The following CATSPERE variants were observed in gnomAD, a reference collection of about 807,000 sequenced individuals.
The protein encoded by CATSPERE is cation channel sperm-associated auxiliary subunit epsilon.
CATSPERE carries 93 observed loss-of-function variants against 114.1 expected under a neutral mutation model. The observed-to-expected ratio is 0.81, with a 90% CI of 0.69 to 0.97. CATSPERE has a LOEUF of 0.97. CATSPERE is among the 50% of genes least tolerant of loss of function. The probability of loss-of-function intolerance (pLI) is 0.00; values close to 1 mark genes in which losing one functional copy is unlikely to be tolerated. For missense variants in CATSPERE, 1,058 were observed against 1,131.6 expected, an observed-to-expected ratio of 0.93 and a Z score of 0.93; for synonymous variants, 341 against 384.1, an observed-to-expected ratio of 0.89 and a Z score of 1.31.
intron 11 of CATSPERE, among the ~76,000 whole-genome samples, chr1:244,578,666 GCTCTCTCTCTCTGTCT>G (rs973563271): frequency 6.8e-6 from 1 of 148,078 alleles, no homozygotes; most frequent in African/African-American, 2.5e-5. Context: ...TATATATATA[GCTCTCTCTCTCTGTCT>G]CTCTCTCTCT....
chr1:244,603,546 T>C (rs1383250642), intron 17 of CATSPERE, among the ~76,000 whole-genome samples: 16 of 152,184 alleles, frequency 1.1e-4, no homozygotes, highest in Admixed American at 9.8e-4. Flanking sequence ...TTAAACATCA[T>C]TGTAAAAGAT....
rs570668644 is a variant in CATSPERE at position 244,573,718 on chromosome 1, G to C, written c.1950+946G>C. Among the ~76,000 whole-genome samples, 63 of 152,210 alleles carry C rather than the reference G, an allele frequency of 4.1e-4. No homozygotes were observed. In the South Asian group the frequency reaches 0.013, roughly 31 times the overall value. On this transcript the variant is annotated intron_variant, in intron 11 of 21. Transcript: ENST00000366534. This position sits in a 1 kb window ranked among gnomAD's most constrained non-coding sequence, Gnocchi z 4.0. The stretch of plus-strand genomic sequence containing the variant: ...CGGTGAGAGCAGAAGCCTAGGTTTG[G>C]CCACATATCCCTAACTCATAGGATG...
chr1:244,581,230 G>A (rs1168615376), intron 11 of CATSPERE, among the ~76,000 whole-genome samples: 1 of 152,000 alleles, frequency 6.6e-6, no homozygotes, highest in Admixed American at 6.6e-5. Flanking sequence ...AGTCCATGTT[G>A]TTTTCTGTAG....
At chr1:244,479,238 C>T (rs1402517507) in intron 4 of CATSPERE, among the ~76,000 whole-genome samples, 1 of 151,912 alleles carries the variant, frequency 6.6e-6, no homozygotes, top group African/African-American at 2.4e-5. Flanking sequence ...GGATTACAGG[C>T]ATGTGCCACC....
At chr1:244,538,305 A>G (rs1680678966) in intron 8 of CATSPERE, among the ~76,000 whole-genome samples, 1 of 152,240 alleles carries the variant, frequency 6.6e-6, no homozygotes, top group South Asian at 2.1e-4. Context: ...CAGGGAGAAA[A>G]AAAATTTTTT....
At chr1:244,610,362 G>A in intron 19 of CATSPERE, 36 bp downstream of exon 19, 2 of 1,457,024 alleles carry the variant, frequency 1.4e-6, no homozygotes, top group Non-Finnish European at 9.6e-7. Flanking sequence ...TGTTTATTTG[G>A]AATAACTAAT....
chr1:244,451,614 TGA>T (rs759571476), upstream of CATSPERE: 3 of 1,596,796 alleles, frequency 1.9e-6, no homozygotes, highest in South Asian at 3.4e-5. This position sits in a 1 kb window ranked among gnomAD's most constrained non-coding sequence, Gnocchi z 6.6. Flanking sequence ...CGGCTTCCCA[TGA>T]GAGGCCCCGT....
At chr1:244,630,305 A>G (rs1281538752) in intron 20 of CATSPERE, among the ~76,000 whole-genome samples, 1 of 152,184 alleles carries the variant, frequency 6.6e-6, no homozygotes, top group Non-Finnish European at 1.5e-5. Context: ...CATCATGTGT[A>G]CTTTTTGAGT....
chr1:244,636,905 T>C (rs990406350), intron 21 of CATSPERE, among the ~76,000 whole-genome samples: 2 of 152,132 alleles, frequency 1.3e-5, no homozygotes, highest in African/African-American at 4.8e-5. Flanking sequence ...GGCACTTCCT[T>C]GCTCCTAGTC....
intron 8 of CATSPERE, among the ~76,000 whole-genome samples, chr1:244,519,330 T>C (rs1489145430): frequency 1.3e-5 from 2 of 152,112 alleles, no homozygotes; most frequent in Non-Finnish European, 2.9e-5. Flanking sequence ...AAAGGTGACA[T>C]CTGCATTATT....
In CATSPERE at chr1:244,593,588, T is replaced by C. The variant is rs1194928533; in HGVS notation, c.2303+10T>C. On this transcript the variant is annotated intron_variant, in intron 17 of 21. Transcript: ENST00000366534. The stretch of plus-strand genomic sequence containing the variant: ...AACCTGTGGTTCAACTGTAAGTATA[T>C]TCTCATCAACATTTTAACTTATATT... The C allele has an allele frequency of 1.2e-6, 2 of 1,602,754 alleles. No homozygotes were observed. The highest frequency in any genetic ancestry group is 1.7e-6 in the Non-Finnish European group (2 of 1,172,328).
intron 8 of CATSPERE, among the ~76,000 whole-genome samples, chr1:244,525,528 A>T (rs1678444597): frequency 4.6e-5 from 7 of 151,968 alleles, no homozygotes; most frequent in Admixed American, 4.6e-4. Flanking sequence ...AAAGAAAGTC[A>T]TTGGTGAGGA....
chr1:244,621,115 TAATA>T (rs1672152411), intron 20 of CATSPERE, among the ~76,000 whole-genome samples: 1 of 61,420 alleles, frequency 1.6e-5, no homozygotes, highest in East Asian at 4.0e-4. Flanking sequence ...AATATATATA[TAATA>T]TATATATAAA....
intron 10 of CATSPERE, among the ~76,000 whole-genome samples, chr1:244,567,868 A>T (rs932387864): frequency 6.6e-6 from 1 of 151,898 alleles, no homozygotes; most frequent in Non-Finnish European, 1.5e-5. Flanking sequence ...TTCTCTGTCC[A>T]GTTTTGTTCC....
intron 9 of CATSPERE, among the ~76,000 whole-genome samples, chr1:244,556,241 C>G (rs548578005): frequency 1.3e-5 from 2 of 151,368 alleles, no homozygotes; most frequent in Middle Eastern, 3.4e-3. Context: ...TATTGTAACC[C>G]TGATAGCAAC....
At chr1:244,610,619 ACGACCTAG>A (rs1213378453) in intron 19 of CATSPERE, 3 of 451,060 alleles carry the variant, frequency 6.7e-6, no homozygotes, top group African/African-American at 3.9e-5. Context: ...CTTTGTAAAG[ACGACCTAG>A]CTCCCTTACA....
chr1:244,528,518 G>C (rs1679032696), intron 8 of CATSPERE, among the ~76,000 whole-genome samples: 1 of 151,730 alleles, frequency 6.6e-6, no homozygotes, highest in African/African-American at 2.4e-5. Context: ...ATTTTTGTGG[G>C]TACATAGTAG....
chr1:244,524,108 C>T (rs1234661160), intron 8 of CATSPERE, among the ~76,000 whole-genome samples: 1 of 151,144 alleles, frequency 6.6e-6, no homozygotes, highest in African/African-American at 2.5e-5. Flanking sequence ...CTGCAGTAAC[C>T]AAAACAGCAT....
intron 5 of CATSPERE, among the ~76,000 whole-genome samples, chr1:244,489,313 C>A (rs1671568478): frequency 6.6e-6 from 1 of 151,944 alleles, no homozygotes; most frequent in Admixed American, 6.6e-5. Flanking sequence ...TGCTAAAAGA[C>A]AAATTTCTGT....
Sources: gnomAD v4.1 joint callset for allele counts (sites outside exome capture counted in the v4.1 genomes callset) on GRCh38, gnomAD v4.1.1 for gene constraint, Gnocchi (gnomAD v3.1) non-coding constraint, MANE v1.5 for transcripts, NCBI Gene and HGNC (gene_info 2026-07-23, HGNC 2026-07-21) for gene names.